Variants in PLD5 observed in about 807,000 individuals in gnomAD.
The protein encoded by PLD5 is phospholipase D family member 5.
PLD5 carries 36 observed loss-of-function variants against 61.1 expected under a neutral mutation model. The observed-to-expected ratio is 0.59, with a 90% confidence interval of 0.45 to 0.78. The LOEUF (loss-of-function observed/expected upper bound fraction) is 0.78, where lower values mean the gene tolerates loss of function less well. Ranked by LOEUF, PLD5 falls within the 30% of genes least tolerant of loss-of-function variation. The pLI, the probability that PLD5 is intolerant of heterozygous loss-of-function variation, is 0.00. For missense variants in PLD5, 515 were observed against 644.4 expected (o/e 0.80, Z 2.17); for synonymous variants, 243 against 242.8 (o/e 1.00, Z -0.01).
chr1:242,136,907 G>C (rs540610234), intron 5 of PLD5, among the ~76,000 whole-genome samples: 2 of 152,282 alleles, frequency 1.3e-5, no homozygotes, highest in East Asian at 3.9e-4. Context: ...TTGGCAAATG[G>C]CTGGTTGAAG....
At chr1:242,090,276 T>C (rs1055154549) in intron 9 of PLD5, among the ~76,000 whole-genome samples, 166 bp from the exon 10 acceptor site, 7 of 152,224 alleles carry the variant, frequency 4.6e-5, no homozygotes, top group African/African-American at 1.7e-4. Flanking sequence ...CAAGAAGCCT[T>C]ACATATGGCA....
At chr1:242,175,298 T>C (rs1337945211) in intron 5 of PLD5, among the ~76,000 whole-genome samples, 6 of 152,200 alleles carry the variant, frequency 3.9e-5, no homozygotes, top group Non-Finnish European at 7.3e-5. Flanking sequence ...TGGTTCAACA[T>C]ATGCAAATCA....
At position 242,501,790 on chromosome 1, in the gene PLD5, T is replaced by TTATA. The variant is rs10648981; in HGVS notation, c.189+22294_189+22297dup. Among the ~76,000 whole-genome samples the TTATA allele has an allele frequency of 6.3e-3, 926 of 147,196 alleles. 10 individuals are homozygous for TTATA. The highest frequency in any genetic ancestry group is 0.021 in the African/African-American group (863 of 40,594). Reference sequence around the variant, plus strand: ...AAAATTAAGATATATTAATATTCCATTATATATATATATATATATACACTA... The same window carrying TTATA: ...AAAATTAAGATATATTAATATTCCATTATATATATATATATATATATATACACTA... On this transcript the variant is annotated intron_variant, in intron 1 of 9. Transcript: ENST00000536534.
intron 2 of PLD5, among the ~76,000 whole-genome samples, chr1:242,325,178 C>A (rs1395511254): frequency 6.6e-6 from 1 of 151,922 alleles, no homozygotes; most frequent in African/African-American, 2.4e-5. Context: ...TCCTACACCT[C>A]CAGAAAGTGG....
At chr1:242,390,739 T>G (rs1288792854) in intron 1 of PLD5, among the ~76,000 whole-genome samples, 2 of 152,146 alleles carry the variant, frequency 1.3e-5, no homozygotes, top group East Asian at 1.9e-4. Flanking sequence ...TCAGACCCAC[T>G]GAAACTATGC....
intron 3 of PLD5, among the ~76,000 whole-genome samples, chr1:242,286,172 TAAAGA>T (rs1241601412): frequency 6.6e-6 from 1 of 152,138 alleles, no homozygotes; most frequent in African/African-American, 2.4e-5. Context: ...GGCTCTGGCC[TAAAGA>T]AAAGACAAAT....
At position 242,114,131 on chromosome 1, in the gene PLD5, G is replaced by C. The variant is rs770760108; in HGVS notation, c.934-105C>G. On this transcript the variant is annotated intron_variant, in intron 6 of 9. Coordinates refer to ENST00000536534, the MANE Select transcript of PLD5 (RefSeq NM_001372062.1). ...GACCTTGGCTTGTAACTATATTTTT[G>C]CAAACCTAATTTCTGCTTCATCAAA... 20 of 1,277,568 alleles carry C rather than the reference G, an allele frequency of 1.6e-5. No homozygotes were observed. In the Admixed American group the frequency reaches 2.7e-4, roughly 18 times the overall value. The allele number at this position is 1,277,568 out of a possible 1,614,324, so 79.1% of individuals were successfully genotyped here.
In PLD5 at chr1:242,248,896, C is replaced by T. The variant is rs556525908; in HGVS notation, c.607+16441G>A. On this transcript the variant is annotated intron_variant, in intron 4 of 9. Coordinates refer to ENST00000536534, the MANE Select transcript of PLD5 (RefSeq NM_001372062.1). ...GGCTTGGTGGGTCATGACTGTAATC[C>T]CAGTACTTTAGGAGGCCAAGGCGGG... 2.0e-4 allele frequency among the ~76,000 whole-genome samples: 31 copies of T among 152,180 alleles called. No homozygotes were observed. The South Asian group carries it at 6.2e-3, about 31-fold the overall frequency.
In PLD5 at chr1:242,089,405, G is replaced by A. The variant is rs976846867; in HGVS notation, c.*449C>T. 3.5e-5 allele frequency: 14 copies of A among 401,558 alleles called. No individual in the cohort carries two copies. Among genetic ancestry groups the A allele is most frequent in the Non-Finnish European group, 4.4e-5 (10 of 228,102 alleles). The allele number at this position is 401,558 out of a possible 1,614,324, so 24.9% of individuals were successfully genotyped here. On this transcript the variant is annotated 3_prime_UTR_variant, in exon 10 of 10. Coordinates refer to ENST00000536534, the MANE Select transcript of PLD5 (RefSeq NM_001372062.1). ...AGCTGACTGTGTAGGTCTTGGAGACGATTTACAAGAATAAACACTTGGTTT... is the reference window on the plus strand; with the variant it reads ...AGCTGACTGTGTAGGTCTTGGAGACAATTTACAAGAATAAACACTTGGTTT...
At chr1:242,467,522 C>T (rs1667313282) in intron 1 of PLD5, among the ~76,000 whole-genome samples, 2 of 152,204 alleles carry the variant, frequency 1.3e-5, no homozygotes, top group South Asian at 4.1e-4. Flanking sequence ...ATTCCTGTAG[C>T]AATCTCGTTT....
intron 9 of PLD5, among the ~76,000 whole-genome samples, chr1:242,095,181 C>T (rs552027195): frequency 6.6e-6 from 1 of 152,056 alleles, no homozygotes; most frequent in African/African-American, 2.4e-5. Context: ...GTGATCCACC[C>T]ACCTCAGCTT....
intron 2 of PLD5, among the ~76,000 whole-genome samples, chr1:242,304,289 G>T (rs2149164768): frequency 6.6e-6 from 1 of 152,306 alleles, no homozygotes; most frequent in African/African-American, 2.4e-5. Context: ...CACATAACGG[G>T]CCCTCTTCAC....
At chr1:242,170,249 C>A (rs966866743) in intron 5 of PLD5, among the ~76,000 whole-genome samples, 1 of 152,206 alleles carries the variant, frequency 6.6e-6, no homozygotes, top group African/African-American at 2.4e-5. Context: ...AGGCAGCAAT[C>A]TTTGCTGTTC....
rs1659381498 is a variant in PLD5 at position 242,084,784 on chromosome 1, A to AAGAGAT, written c.*5064_*5069dup. ...TTTTTTTTTTTTTTTTTTTTAGAGAAAGAGATAGGTATAGTGTTTCAAAGA... is the reference window on the plus strand; with the variant it reads ...TTTTTTTTTTTTTTTTTTTTAGAGAAAGAGATAGAGATAGGTATAGTGTTTCAAAGA... On this transcript the variant is annotated 3_prime_UTR_variant, in exon 10 of 10. Coordinates refer to ENST00000536534, the MANE Select transcript of PLD5 (RefSeq NM_001372062.1). 7.2e-6 allele frequency: 1 copy of AAGAGAT among 138,386 alleles called. No homozygotes were observed. 8.6% of individuals were successfully genotyped at this position (138,386 alleles called of 1,614,324 possible).
At chr1:242,381,750 A>G (rs1219676226) in intron 1 of PLD5, among the ~76,000 whole-genome samples, 2 of 152,200 alleles carry the variant, frequency 1.3e-5, no homozygotes, top group Non-Finnish European at 2.9e-5. Flanking sequence ...CCAACCTGCT[A>G]GACTATTGCC....
At chr1:242,436,004 C>T (rs61839789) in intron 1 of PLD5, among the ~76,000 whole-genome samples, 29,297 of 151,958 alleles carry the variant, frequency 0.19, 3,699 homozygotes, top group African/African-American at 0.36. Flanking sequence ...AAAAAATATC[C>T]GACAACTTTC....
At chr1:242,474,612 A>G (rs949919353) in intron 1 of PLD5, among the ~76,000 whole-genome samples, 7 of 152,326 alleles carry the variant, frequency 4.6e-5, no homozygotes, top group African/African-American at 1.7e-4. Flanking sequence ...TACAGAACTG[A>G]TTAGGTTATT....
At chr1:242,140,381 T>C (rs982461026) in intron 5 of PLD5, among the ~76,000 whole-genome samples, 2 of 152,226 alleles carry the variant, frequency 1.3e-5, no homozygotes, top group Non-Finnish European at 2.9e-5. Context: ...CTGTGGCTCA[T>C]GCCTGTAATC....
chr1:242,512,308 T>C (rs1174321763), intron 1 of PLD5, among the ~76,000 whole-genome samples: 2 of 149,752 alleles, frequency 1.3e-5, no homozygotes, highest in Non-Finnish European at 3.0e-5. Context: ...TAGTCCCAGC[T>C]ACTGGGGAGG....
Sources: gnomAD v4.1 joint callset for allele counts (sites outside exome capture counted in the v4.1 genomes callset) on GRCh38, gnomAD v4.1.1 for gene constraint, MANE v1.5 for transcripts, NCBI Gene and HGNC (gene_info 2026-07-23, HGNC 2026-07-21) for gene names.